The following NLRP3 variants were observed in gnomAD, a reference collection of about 807,000 sequenced individuals.
The protein encoded by NLRP3 is NACHT, LRR and PYD domains-containing protein 3.
NLRP3 carries 48 observed loss-of-function variants against 91.3 expected under a neutral mutation model. The observed-to-expected ratio is 0.53, with a 90% CI of 0.42 to 0.67. The LOEUF is 0.67. Ranked by LOEUF, NLRP3 falls within the 30% of genes least tolerant of loss-of-function variation. The pLI, the probability that NLRP3 is intolerant of heterozygous loss-of-function variation, is 0.00. For synonymous variants in NLRP3, 561 were observed against 507.9 expected, an observed-to-expected ratio of 1.10 and a Z score of -1.41; for missense variants, 982 against 1,276.9, an observed-to-expected ratio of 0.77 and a Z score of 3.52.
intron 2 of NLRP3, among the ~76,000 whole-genome samples, chr1:247,422,142 GC>G (rs11357625): frequency 0.33 from 49,824 of 152,088 alleles, 10,092 homozygotes; most frequent in East Asian, 0.47. Flanking sequence ...ACTTCAGGAG[GC>G]CAAGATGGGA....
chr1:247,419,578 T>TCTCATTCTCCCAGG (rs1662314862), intron 2 of NLRP3, among the ~76,000 whole-genome samples: 1 of 152,184 alleles, frequency 6.6e-6, no homozygotes, highest in Admixed American at 6.5e-5. Context: ...AACTCCTCAT[T>TCTCATTCTCCCAGG]GCCTCATTCT....
At chr1:247,431,353 C>A (rs565244348) in intron 5 of NLRP3, among the ~76,000 whole-genome samples, 2 of 152,290 alleles carry the variant, frequency 1.3e-5, no homozygotes, top group African/African-American at 4.8e-5. Context: ...AGCTGCACAG[C>A]AAGTGTTAAA....
intron 6 of NLRP3, among the ~76,000 whole-genome samples, chr1:247,435,483 CTGAT>C (rs1663717434): frequency 6.6e-6 from 1 of 152,144 alleles, no homozygotes; most frequent in African/African-American, 2.4e-5. Context: ...GGCAAATACT[CTGAT>C]TGTCCTTATA....
intron 5 of NLRP3, among the ~76,000 whole-genome samples, chr1:247,430,679 A>G (rs1055248116): frequency 1.3e-5 from 2 of 152,148 alleles, no homozygotes; most frequent in African/African-American, 4.8e-5. Context: ...GATGCTCGAT[A>G]TATTCCATTT....
At chr1:247,428,155 C>T (rs1164688693) in intron 4 of NLRP3, among the ~76,000 whole-genome samples, 1 of 148,904 alleles carries the variant, frequency 6.7e-6, no homozygotes, top group Non-Finnish European at 1.5e-5. Context: ...CAGCACCCAT[C>T]CCTCTAGATG....
chr1:247,428,389 A>G (rs76743559), intron 4 of NLRP3, among the ~76,000 whole-genome samples: 2,526 of 152,354 alleles, frequency 0.017, 28 homozygotes, highest in Non-Finnish European at 0.028. Context: ...CTGAGCATCT[A>G]TTAGAAATGC....
chr1:247,424,762 C>T lies in NLRP3; in HGVS notation c.1313C>T (p.Thr438Ile). 6.2e-7 allele frequency: 1 copy of T among 1,612,772 alleles called. No homozygotes were observed. The highest frequency in any genetic ancestry group is 8.5e-7 in the Non-Finnish European group (1 of 1,180,036). ...KSLAQTSKTT[T>I]AVYVFFLSSL... ...CTTGCCCAGACATCCAAGACCACCA[C>T]CGCGGTGTACGTCTTCTTCCTTTCC... The change falls in exon 4 of 10, where the codon ACC becomes ATC. Residue 438 changes from threonine to isoleucine, a missense_variant. Transcript: ENST00000336119. The surrounding 1 kb of genome is among the most constrained non-coding windows in gnomAD (Gnocchi z 8.1).
intron 4 of NLRP3, among the ~76,000 whole-genome samples, chr1:247,426,533 C>T (rs747052887): frequency 6.6e-6 from 1 of 152,202 alleles, no homozygotes; most frequent in Non-Finnish European, 1.5e-5. Flanking sequence ...AGGCTTGGCC[C>T]TTCCACAGGC....
chr1:247,444,008 A>C lies in NLRP3; in HGVS notation c.2700A>C (p.Ser900=), dbSNP rs771112663. The C allele has an allele frequency of 3.1e-6, 5 of 1,614,036 alleles. No individual in the cohort carries two copies. The South Asian group carries it at 4.4e-5, about 14-fold the overall frequency. The part of the protein sequence containing the change: ...VNSGLTSVCC[S]ALSSVLSTNQ... ...CTGGCCTTACGTCAGTCTGTTGTTCAGCTTTGTCCTCGGTACTCAGCACTA... is the reference window on the plus strand; with the variant it reads ...CTGGCCTTACGTCAGTCTGTTGTTCCGCTTTGTCCTCGGTACTCAGCACTA... Residue 900 remains serine, a synonymous_variant, in exon 8 of 10, where the codon TCA becomes TCC. Coordinates refer to ENST00000336119, the MANE Select transcript of NLRP3 (RefSeq NM_001243133.2).
chr1:247,441,668 C>T (rs894279202), intron 7 of NLRP3, among the ~76,000 whole-genome samples: 2 of 78,192 alleles, frequency 2.6e-5, no homozygotes, highest in African/African-American at 1.0e-4. Flanking sequence ...TGGTTGAAAT[C>T]GAGATGTCAA....
chr1:247,437,624 C>A (rs1384702608), intron 7 of NLRP3, among the ~76,000 whole-genome samples: 1 of 152,212 alleles, frequency 6.6e-6, no homozygotes, highest in East Asian at 1.9e-4. Flanking sequence ...ATTTTGCAGG[C>A]CCTCTGGGGG....
chr1:247,418,902 G>C lies in NLRP3; in HGVS notation c.102G>C (p.Lys34Asn). ...KMHLEDYPPQKGCIPLPRGQT... is the reference protein window; with the variant it reads ...KMHLEDYPPQNGCIPLPRGQT... ...ACTTAGAGGACTATCCTCCCCAGAA[G>C]GGCTGCATCCCCCTCCCGAGGGGTC... The change falls in exon 2 of 10, where the codon AAG becomes AAC. Residue 34 changes from lysine to asparagine, a missense_variant. Around this residue, in one of 5 missense-constraint regions of NLRP3, gnomAD observed 548 missense variants for 713.7 expected, o/e 0.77. Transcript: ENST00000336119. 4 of 1,614,118 alleles carry C rather than the reference G, an allele frequency of 2.5e-6. No homozygotes were observed. Among genetic ancestry groups the C allele is most frequent in the Non-Finnish European group, 3.4e-6 (4 of 1,180,012 alleles).
At chr1:247,447,343 C>G (rs1037912110) in intron 9 of NLRP3, among the ~76,000 whole-genome samples, 15 of 152,156 alleles carry the variant, frequency 9.9e-5, no homozygotes, top group African/African-American at 3.6e-4. Context: ...TGTAAGGGCA[C>G]TCACCCCATA....
Position 247,425,307 on chromosome 1 carries a change from C to T in NLRP3, c.1858C>T (p.Gln620Ter), listed in dbSNP as rs147876634. ...AGTGAAAGCCAAAGCTAAAAAGCTG[C>T]AGATCCAGCCCAGCCAGCTGGAATT... is the stretch of plus-strand genomic sequence containing the variant. ...IEVKAKAKKL[Q>*]IQPSQLELFY... is the part of the protein sequence containing the mutation. The change falls in exon 4 of 10, where the codon CAG (glutamine) becomes TAG (stop). Residue 620 changes from glutamine (Q) to a stop codon, truncating the protein, a stop_gained. Coordinates refer to ENST00000336119, the MANE Select transcript of NLRP3 (RefSeq NM_001243133.2). LOFTEE classifies it high-confidence loss of function. This position sits in a 1 kb window ranked among gnomAD's most constrained non-coding sequence, Gnocchi z 4.1. 2 of 1,614,178 alleles carry T rather than the reference C, an allele frequency of 1.2e-6. No individual in the cohort carries two copies. The highest frequency in any genetic ancestry group is 3.3e-5 in the Admixed American group (2 of 60,026).
chr1:247,447,806 T>C (rs1269460210), intron 9 of NLRP3, among the ~76,000 whole-genome samples: 5 of 152,236 alleles, frequency 3.3e-5, no homozygotes, highest in Admixed American at 2.6e-4. Context: ...GATAGATGCA[T>C]TAAATGCAGT....
chr1:247,439,994 G>C (rs373214339), intron 7 of NLRP3, among the ~76,000 whole-genome samples: 15 of 152,374 alleles, frequency 9.8e-5, no homozygotes, highest in African/African-American at 3.6e-4. Flanking sequence ...TGCATTTTAT[G>C]TGTTAGGTAC....
intron 8 of NLRP3, 111 bp downstream of exon 8, chr1:247,444,253 C>G: frequency 8.7e-7 from 1 of 1,153,524 alleles, no homozygotes; most frequent in Non-Finnish European, 1.3e-6. Flanking sequence ...GAGGTGTCTT[C>G]TTAGTGTTTG....
intron 7 of NLRP3, among the ~76,000 whole-genome samples, chr1:247,443,150 C>T (rs950226030): frequency 1.3e-5 from 2 of 152,106 alleles, no homozygotes; most frequent in African/African-American, 4.8e-5. Context: ...GTTTTGAACT[C>T]CTGACCTCGT....
chr1:247,423,134 G>A, intron 2 of NLRP3, 96 bp from the exon 3 acceptor site: 7 of 1,536,288 alleles, frequency 4.6e-6, no homozygotes, highest in Non-Finnish European at 3.6e-6. Flanking sequence ...GGGGATGTTT[G>A]GGGTCTCCTC....
Sources: gnomAD v4.1 joint callset for allele counts (sites outside exome capture counted in the v4.1 genomes callset) on GRCh38, gnomAD v4.1.1 for gene constraint, gnomAD v4.1.1 regional missense constraint, Gnocchi (gnomAD v3.1) non-coding constraint, MANE v1.5 for transcripts, NCBI Gene and HGNC (gene_info 2026-07-23, HGNC 2026-07-21) for gene names.